Variants in SPATA32 observed in about 807,000 individuals in gnomAD.
SPATA32 encodes spermatogenesis-associated protein 32.
SPATA32 carries 28 observed loss-of-function variants against 35.4 expected under a neutral mutation model. The ratio of observed to expected loss-of-function variants is 0.79; its 90% CI spans 0.59 to 1.09. The LOEUF (loss-of-function observed/expected upper bound fraction) is 1.09, where lower values mean the gene tolerates loss of function less well. Among genes scored for constraint, SPATA32 ranks in the 50% least tolerant of loss-of-function variants. The pLI is 0.00. For synonymous variants in SPATA32, 168 were observed against 196.3 expected (o/e 0.86, Z 1.20); for missense variants, 409 against 475.9 (o/e 0.86, Z 1.31).
At position 45,256,463 on chromosome 17, in the gene SPATA32, A is replaced by G. The variant is rs774157419; in HGVS notation, c.69-48T>C. ...GGGTGATGGGGATCTGTGGGGCTTC[A>G]GCGGGAAGGGGGTTTCTGGGGCCCT... On this transcript the variant is annotated intron_variant, in intron 2 of 4. Coordinates refer to ENST00000331780, the MANE Select transcript of SPATA32 (RefSeq NM_152343.3). This position sits in a 1 kb window ranked among gnomAD's most constrained non-coding sequence, Gnocchi z 4.7. 6.4e-6 allele frequency: 10 copies of G among 1,560,198 alleles called. No individual in the cohort carries two copies. The East Asian group carries it at 1.8e-4, about 28-fold the overall frequency.
Position 45,257,021 on chromosome 17 carries a change from C to T in SPATA32, c.68+132G>A. The stretch of plus-strand genomic sequence containing the variant: ...CCTCCCCAGCCTTTTGGCCTGGACA[C>T]TGGCCCCGGGGAGGTTTTGGAAATG... On this transcript the variant is annotated intron_variant, in intron 2 of 4. Coordinates refer to ENST00000331780, the MANE Select transcript of SPATA32 (RefSeq NM_152343.3). The T allele has an allele frequency of 2.9e-6, 3 of 1,026,926 alleles. No individual in the cohort carries two copies. In the South Asian group the frequency reaches 4.3e-5, roughly 15 times the overall value. The allele number at this position is 1,026,926 out of a possible 1,614,324, so 63.6% of individuals were successfully genotyped here.
chr17:45,256,446 G>C lies in SPATA32; in HGVS notation c.69-31C>G, dbSNP rs2043958854. On this transcript the variant is annotated intron_variant, in intron 2 of 4. Coordinates refer to ENST00000331780, the MANE Select transcript of SPATA32 (RefSeq NM_152343.3). This position sits in a 1 kb window ranked among gnomAD's most constrained non-coding sequence, Gnocchi z 4.7. Reference sequence around the variant, plus strand: ...ACAGAAGAAGACAGAGTGGGTGATGGGGATCTGTGGGGCTTCAGCGGGAAG... The same window carrying C: ...ACAGAAGAAGACAGAGTGGGTGATGCGGATCTGTGGGGCTTCAGCGGGAAG... 4.4e-6 allele frequency: 7 copies of C among 1,596,942 alleles called. No homozygotes were observed. Among genetic ancestry groups the C allele is most frequent in the Non-Finnish European group, 5.2e-6 (6 of 1,164,276 alleles).
Position 45,255,334 on chromosome 17 carries a change from G to A in SPATA32, c.848C>T (p.Thr283Ile). Residue 283 changes from threonine to isoleucine, a missense_variant, in exon 4 of 5, where the codon ACT becomes ATT. Physicochemically the swap from Thr to Ile is moderately conservative, Grantham distance 89. Transcript: ENST00000331780. This position sits in a 1 kb window ranked among gnomAD's most constrained non-coding sequence, Gnocchi z 5.4. The part of the protein sequence containing the change: ...LEPSTEPLLT[T>I]VEEREPENHA... ...ATTTTCTGGCTCTCGCTCCTCCACA[G>A]TGGTCAGGAGGGGCTCTGTGGAAGG... 6.2e-7 allele frequency: 1 copy of A among 1,614,224 alleles called. No individual in the cohort carries two copies. Among genetic ancestry groups the A allele is most frequent in the South Asian group, 1.1e-5 (1 of 91,092 alleles).
In SPATA32 at chr17:45,255,446, A is replaced by G; in HGVS notation, c.736T>C (p.Ser246Pro). 6.2e-7 allele frequency: 1 copy of G among 1,614,168 alleles called. No homozygotes were observed. The highest frequency in any genetic ancestry group is 8.5e-7 in the Non-Finnish European group (1 of 1,180,026). ...IDLTELITFA[S>P]SLAMASSSRM... ...CTGGAGGAGGCCATGGCCAGGGAAGATGCAAAGGTGATTAGCTCTGTCAGG... is the reference window on the plus strand; with the variant it reads ...CTGGAGGAGGCCATGGCCAGGGAAGGTGCAAAGGTGATTAGCTCTGTCAGG... Residue 246 changes from serine (S) to proline (P), a missense_variant, in exon 4 of 5, where the codon TCT (serine) becomes CCT (proline). By Grantham distance (74) the Ser-to-Pro change is moderately conservative. Transcript: ENST00000331780. This position sits in a 1 kb window ranked among gnomAD's most constrained non-coding sequence, Gnocchi z 5.4.
Position 45,255,433 on chromosome 17 carries a change from A to G in SPATA32, c.749T>C (p.Met250Thr), listed in dbSNP as rs1249037197. 1 of 1,614,018 alleles carries G rather than the reference A, an allele frequency of 6.2e-7. No homozygotes were observed. Among genetic ancestry groups the G allele is most frequent in the Non-Finnish European group, 8.5e-7 (1 of 1,180,022 alleles). Residue 250 changes from methionine (M) to threonine (T), a missense_variant, in exon 4 of 5, where the codon ATG (methionine) becomes ACG (threonine). By Grantham distance (81) the Met-to-Thr change is moderately conservative (BLOSUM62 -1). Transcript: ENST00000331780. This position sits in a 1 kb window ranked among gnomAD's most constrained non-coding sequence, Gnocchi z 5.4. The part of the protein sequence containing the change: ...ELITFASSLA[M>T]ASSSRMDLPS... ...CAGGTCCATCCTGCTGGAGGAGGCCATGGCCAGGGAAGATGCAAAGGTGAT... is the reference window on the plus strand; with the variant it reads ...CAGGTCCATCCTGCTGGAGGAGGCCGTGGCCAGGGAAGATGCAAAGGTGAT...
chr17:45,256,296 G>A lies in SPATA32; in HGVS notation c.108+80C>T, dbSNP rs2043956679. ...GTACTAGGGTCCCAGGATTGTCAAG[G>A]GTAGGGGCTGGTGGGGACTTAGGGA... On this transcript the variant is annotated intron_variant, in intron 3 of 4. Coordinates refer to ENST00000331780, the MANE Select transcript of SPATA32 (RefSeq NM_152343.3). The surrounding 1 kb of genome is among the most constrained non-coding windows in gnomAD (Gnocchi z 4.7). 2 of 1,442,786 alleles carry A rather than the reference G, an allele frequency of 1.4e-6. No individual in the cohort carries two copies. The highest frequency in any genetic ancestry group is 2.3e-5 in the East Asian group (1 of 44,100). The allele number at this position is 1,442,786 out of a possible 1,614,324, so 89.4% of individuals were successfully genotyped here.
intron 1 of SPATA32, 106 bp from the exon 2 acceptor site, chr17:45,257,313 G>A (rs2043967536): frequency 2.4e-6 from 3 of 1,265,136 alleles, no homozygotes; most frequent in Admixed American, 2.0e-5. Flanking sequence ...CTCTCTTCCC[G>A]GCTGCTATTC....
chr17:45,261,034 A>G (rs1264760841), intron 1 of SPATA32: 2 of 151,676 alleles, frequency 1.3e-5, no homozygotes, highest in Non-Finnish European at 2.9e-5. Context: ...TCTCCATGAC[A>G]GACCTGGCTG....
chr17:45,256,014 T>C lies in SPATA32; in HGVS notation c.168A>G (p.Pro56=), dbSNP rs138446552. ...CCAGTTCTGGGTCTGGGTCTGGGTC[T>C]GGGTCCAGGTCCAGGTCCACTTGGA... ...PQLQVDLDLD[P]DPDPDPELEI... is the part of the protein sequence containing the mutation. Residue 56 remains proline, a synonymous_variant, in exon 4 of 5, where the codon CCA becomes CCG. Transcript: ENST00000331780. The surrounding 1 kb of genome is among the most constrained non-coding windows in gnomAD (Gnocchi z 4.7). 2.2e-4 allele frequency: 348 copies of C among 1,613,584 alleles called. No individual in the cohort carries two copies. The highest frequency in any genetic ancestry group is 2.7e-4 in the Non-Finnish European group (316 of 1,179,868).
In SPATA32 at chr17:45,257,187, A is replaced by C; in HGVS notation, c.34T>G (p.Cys12Gly). The change falls in exon 2 of 5, where the codon TGC becomes GGC. Residue 12 changes from cysteine (C) to glycine (G), a missense_variant. Transcript: ENST00000331780. ...GCAACCTCCACTGACCCTTTGCCGC[A>C]GCATGGAAATCCATGGGCACCTGAC... The part of the protein sequence containing the change: ...GVTGAHGFPC[C>G]GKGSVEVAEM... 6.2e-7 allele frequency: 1 copy of C among 1,612,536 alleles called. No individual in the cohort carries two copies. The highest frequency in any genetic ancestry group is 8.5e-7 in the Non-Finnish European group (1 of 1,179,524).
At chr17:45,257,286 T>C (rs58314091) in intron 1 of SPATA32, 79 bp from the exon 2 acceptor site, 677,821 of 1,438,946 alleles carry the variant, frequency 0.47, 162,486 homozygotes, top group Non-Finnish European at 0.5. Flanking sequence ...CCAGCCCCCT[T>C]TTCCTGCCCT....
At chr17:45,259,329 AT>A (rs2043984523) in intron 1 of SPATA32, among the ~76,000 whole-genome samples, 1 of 151,948 alleles carries the variant, frequency 6.6e-6, no homozygotes, top group Admixed American at 6.6e-5. Flanking sequence ...CGTCTCTTAG[AT>A]TGCTTAGTTT....
chr17:45,261,565 C>A (rs547476898), intron 1 of SPATA32, among the ~76,000 whole-genome samples: 1 of 152,324 alleles, frequency 6.6e-6, no homozygotes, highest in Non-Finnish European at 1.5e-5. Context: ...CGAAGCGCTC[C>A]GTAAAAATGT....
chr17:45,260,422 C>T (rs1371531816), intron 1 of SPATA32: 1 of 152,364 alleles, frequency 6.6e-6, no homozygotes, highest in African/African-American at 2.4e-5. Context: ...ACTCCTCCTC[C>T]CTCCGCAGCT....
Position 45,254,637 on chromosome 17 carries a change from G to A in SPATA32, c.1068-124C>T, listed in dbSNP as rs536231685. 51 of 751,664 alleles carry A rather than the reference G, an allele frequency of 6.8e-5. No homozygotes were observed. The African/African-American group carries it at 8.2e-4, about 12-fold the overall frequency. The allele number at this position is 751,664 out of a possible 1,614,324, so 46.6% of individuals were successfully genotyped here. A position where few individuals can be genotyped will look rare whatever the true frequency, so the allele number is the denominator to read the frequency against. On this transcript the variant is annotated intron_variant, in intron 4 of 4. Coordinates refer to ENST00000331780, the MANE Select transcript of SPATA32 (RefSeq NM_152343.3). The stretch of plus-strand genomic sequence containing the variant: ...GGGTCTTCTGCTGCTGCCCGCGTCT[G>A]GGCAGCTGAGATTACATTCTGTGTC...
In SPATA32 at chr17:45,256,001, C is replaced by T. The variant is rs773365228; in HGVS notation, c.181G>A (p.Asp61Asn). 6.2e-7 allele frequency: 1 copy of T among 1,613,888 alleles called. No individual in the cohort carries two copies. The highest frequency in any genetic ancestry group is 8.5e-7 in the Non-Finnish European group (1 of 1,179,952). Residue 61 changes from aspartate to asparagine, a missense_variant, in exon 4 of 5, where the codon GAC becomes AAC. Coordinates refer to ENST00000331780, the MANE Select transcript of SPATA32 (RefSeq NM_152343.3). This position sits in a 1 kb window ranked among gnomAD's most constrained non-coding sequence, Gnocchi z 4.7. The stretch of plus-strand genomic sequence containing the variant: ...ACCTGTCCGATCTCCAGTTCTGGGT[C>T]TGGGTCTGGGTCTGGGTCCAGGTCC... ...DLDLDPDPDPDPELEIGQVPA... is the reference protein window; with the variant it reads ...DLDLDPDPDPNPELEIGQVPA...
chr17:45,259,529 A>G (rs1191761685), intron 1 of SPATA32, among the ~76,000 whole-genome samples: 1 of 151,926 alleles, frequency 6.6e-6, no homozygotes, highest in Non-Finnish European at 1.5e-5. Context: ...TTTATGGTAA[A>G]ATACATTGTT....
At chr17:45,257,057 G>A (rs929980756) in intron 2 of SPATA32, 96 bp downstream of exon 2, 89 of 1,398,818 alleles carry the variant, frequency 6.4e-5, no homozygotes, top group Non-Finnish European at 8.4e-5. Context: ...GCAGAAGGGA[G>A]GGAGATCCTA....
Position 45,255,573 on chromosome 17 carries a change from G to T in SPATA32, c.609C>A (p.Ser203=). The T allele has an allele frequency of 1.2e-6, 2 of 1,614,066 alleles. No individual in the cohort carries two copies. Among genetic ancestry groups the T allele is most frequent in the Non-Finnish European group, 8.5e-7 (1 of 1,180,026 alleles). The change falls in exon 4 of 5, where the codon TCC becomes TCA. Residue 203 remains serine, a synonymous_variant. Coordinates refer to ENST00000331780, the MANE Select transcript of SPATA32 (RefSeq NM_152343.3). The surrounding 1 kb of genome is among the most constrained non-coding windows in gnomAD (Gnocchi z 5.4). ...REAIPTNALC[S]EEQLQIPDAH... is the part of the protein sequence containing the mutation. ...CATCAGGGATCTGGAGCTGCTCCTC[G>T]GAGCACAGGGCGTTGGTGGGGATGG...
Sources: gnomAD v4.1 joint callset for allele counts (sites outside exome capture counted in the v4.1 genomes callset) on GRCh38, gnomAD v4.1.1 for gene constraint, Gnocchi (gnomAD v3.1) non-coding constraint, MANE v1.5 for transcripts, NCBI Gene and HGNC (gene_info 2026-07-23, HGNC 2026-07-21) for gene names.